Variants in OSBP observed in about 807,000 individuals in gnomAD.
OSBP encodes the protein oxysterol binding protein, also known as oxysterol-binding protein 1.
In OSBP, 32 loss-of-function variants were observed where a neutral mutation model predicts 96.6. That is an observed-to-expected ratio of 0.33 (90% CI 0.25 to 0.45). The LOEUF is 0.45. Ranked by LOEUF, OSBP falls within the 20% of genes least tolerant of loss-of-function variation. The pLI is 1.00. For synonymous variants in OSBP, 369 were observed against 389.6 expected, an observed-to-expected ratio of 0.95 and a Z score of 0.62; for missense variants, 653 against 1,029.7, an observed-to-expected ratio of 0.63 and a Z score of 5.01.
intron 1 of OSBP, 55 bp from the exon 2 acceptor site, chr11:59,610,644 T>C: frequency 2.2e-6 from 3 of 1,378,382 alleles, no homozygotes; most frequent in Middle Eastern, 1.8e-4. Context: ...TTATCCTTTA[T>C]CACATTCCAT....
At chr11:59,596,492 T>C (rs951359606) in intron 7 of OSBP, among the ~76,000 whole-genome samples, 1 of 152,118 alleles carries the variant, frequency 6.6e-6, no homozygotes, top group Non-Finnish European at 1.5e-5. Context: ...ATGGTCATTT[T>C]ATTACTCAAA....
Position 59,575,978 on chromosome 11 carries a change from C to T in OSBP, c.*599G>A, listed in dbSNP as rs1860356880. ...AGAATGTAACTCTGAATATTCCAGC[C>T]CTATAGAACAATCTCTCTCACAGGT... On this transcript the variant is annotated 3_prime_UTR_variant, in exon 14 of 14. Coordinates refer to ENST00000263847, the MANE Select transcript of OSBP (RefSeq NM_002556.3). 1 of 152,178 alleles carries T rather than the reference C, an allele frequency of 6.6e-6. No individual in the cohort carries two copies. The highest frequency in any genetic ancestry group is 2.4e-5 in the African/African-American group (1 of 41,416). 9.4% of individuals were successfully genotyped at this position (152,178 alleles called of 1,614,324 possible).
At chr11:59,607,039 T>C (rs891174005) in intron 3 of OSBP, among the ~76,000 whole-genome samples, 5 of 152,006 alleles carry the variant, frequency 3.3e-5, no homozygotes, top group East Asian at 3.9e-4. Flanking sequence ...AAGAGAAAAA[T>C]TGAAACTAAA....
intron 9 of OSBP, among the ~76,000 whole-genome samples, chr11:59,591,841 A>C (rs901608540): frequency 4.6e-5 from 7 of 151,764 alleles, no homozygotes; most frequent in Non-Finnish European, 7.4e-5. Flanking sequence ...GGCTGGTCTC[A>C]AACTCCTGAC....
chr11:59,589,800 T>C (rs1039797493), intron 9 of OSBP, among the ~76,000 whole-genome samples: 2 of 151,518 alleles, frequency 1.3e-5, no homozygotes, highest in African/African-American at 4.8e-5. Context: ...CTGGTCGACA[T>C]GGTGAAACCC....
Position 59,581,528 on chromosome 11 carries a change from T to G in OSBP, c.1705A>C (p.Thr569Pro). Residue 569 changes from threonine (T) to proline (P), a missense_variant, in exon 10 of 14, where the codon ACT (threonine) becomes CCT (proline). Physicochemically the swap from Thr to Pro is conservative, Grantham distance 38 (BLOSUM62 -1). Transcript: ENST00000263847. ...LGTIHCIFHATGHHYTWKKVT... is the reference protein window; with the variant it reads ...LGTIHCIFHAPGHHYTWKKVT... ...TTCTTCCAAGTGTAGTGGTGCCCAG[T>G]TGCATGGAAAATACAATGAATGGTA... 6.2e-7 allele frequency: 1 copy of G among 1,611,914 alleles called. No individual in the cohort carries two copies. The highest frequency in any genetic ancestry group is 8.5e-7 in the Non-Finnish European group (1 of 1,178,134).
rs1449957712 is a variant in OSBP, at chr11:59,608,679, A to G, written c.627T>C (p.Asn209=). 1 of 1,613,994 alleles carries G rather than the reference A, an allele frequency of 6.2e-7. No individual in the cohort carries two copies. The highest frequency in any genetic ancestry group is 1.1e-5 in the South Asian group (1 of 91,080). ...VSQTDKTELQ[N]TLRTLSSKVE... is the part of the protein sequence containing the mutation. Reference sequence around the variant, plus strand: ...CTTTGCTAGAGAGGGTCCGAAGGGTATTCTGCAGCTCAGTCTTGTCAGTTT... The same window carrying G: ...CTTTGCTAGAGAGGGTCCGAAGGGTGTTCTGCAGCTCAGTCTTGTCAGTTT... The change falls in exon 3 of 14, where the codon AAT becomes AAC. Residue 209 remains asparagine (N), a synonymous_variant. Coordinates refer to ENST00000263847, the MANE Select transcript of OSBP (RefSeq NM_002556.3).
intron 9 of OSBP, among the ~76,000 whole-genome samples, chr11:59,591,627 C>CT (rs530339994): frequency 0.04 from 5,607 of 138,900 alleles, 125 homozygotes; most frequent in Non-Finnish European, 0.049. Context: ...TTTTCTTTTC[C>CT]TTTTTTTTTT....
chr11:59,613,992 G>C (rs1364890895), intron 1 of OSBP, among the ~76,000 whole-genome samples: 1 of 152,160 alleles, frequency 6.6e-6, no homozygotes, highest in Non-Finnish European at 1.5e-5. Flanking sequence ...AGAGTGAGCT[G>C]CTCTTCAACA....
At chr11:59,593,876 C>T (rs141085402) in intron 8 of OSBP, 134 bp downstream of exon 8, 20 of 1,416,816 alleles carry the variant, frequency 1.4e-5, no homozygotes, top group African/African-American at 8.6e-5. Flanking sequence ...CCAACGCTGA[C>T]GTTCTGAAGA....
chr11:59,614,200 G>A (rs1294728201), intron 1 of OSBP, among the ~76,000 whole-genome samples: 3 of 152,290 alleles, frequency 2.0e-5, no homozygotes, highest in African/African-American at 4.8e-5. Context: ...ACTAACCTGA[G>A]TTTTAGGTTA....
intron 8 of OSBP, 102 bp from the exon 9 acceptor site, chr11:59,593,826 C>T (rs1013225727): frequency 4.0e-6 from 6 of 1,509,428 alleles, no homozygotes; most frequent in Non-Finnish European, 5.4e-6. Flanking sequence ...GACGTTTTTA[C>T]ACCCACAACA....
At chr11:59,601,901 C>A in intron 3 of OSBP, 63 bp from the exon 4 acceptor site, 1 of 1,463,416 alleles carries the variant, frequency 6.8e-7, no homozygotes, top group Admixed American at 1.8e-5. Flanking sequence ...CAGGCTTCTG[C>A]AAGCCCATTG....
rs1364096311 is a variant in OSBP at position 59,615,693 on chromosome 11, C to A, written c.-29G>T. 2 of 1,287,002 alleles carry A rather than the reference C, an allele frequency of 1.6e-6. No individual in the cohort carries two copies. Among genetic ancestry groups the A allele is most frequent in the Non-Finnish European group, 2.0e-6 (2 of 1,019,166 alleles). 79.7% of individuals were successfully genotyped at this position (1,287,002 alleles called of 1,614,324 possible). On this transcript the variant is annotated 5_prime_UTR_variant, in exon 1 of 14. Transcript: ENST00000263847. ...CCGCCGCCGCCTGGAGATACAAGAC[C>A]GGAACCGCCTACGAGAGCCGCCGTC...
chr11:59,610,520 C>A lies in OSBP; in HGVS notation c.432G>T (p.Glu144Asp). ...TGGAAATGATGAAGTTGCAGGAGTC[C>A]TCCACGGTGATGTTGGCTGTGGCGA... Reference protein sequence around the residue: ...INLATANITVEDSCNFIISNG... With the variant: ...INLATANITVDDSCNFIISNG... The change falls in exon 2 of 14, where the codon GAG becomes GAT. Residue 144 changes from glutamate (E) to aspartate (D), a missense_variant. Physicochemically the swap from Glu to Asp is conservative, Grantham distance 45 (BLOSUM62 2). This residue lies in a region of OSBP where 308 missense variants were observed against 573.1 expected (regional missense o/e 0.54). Coordinates refer to ENST00000263847, the MANE Select transcript of OSBP (RefSeq NM_002556.3). 1 of 1,614,166 alleles carries A rather than the reference C, an allele frequency of 6.2e-7. No individual in the cohort carries two copies. Among genetic ancestry groups the A allele is most frequent in the Non-Finnish European group, 8.5e-7 (1 of 1,180,018 alleles).
chr11:59,592,616 G>A (rs1189517523), intron 9 of OSBP, among the ~76,000 whole-genome samples: 1 of 152,056 alleles, frequency 6.6e-6, no homozygotes, highest in Non-Finnish European at 1.5e-5. Flanking sequence ...GCACACACTT[G>A]GCCAAACATG....
chr11:59,601,514 A>C (rs1860724052), intron 4 of OSBP, 126 bp downstream of exon 4: 2 of 1,166,306 alleles, frequency 1.7e-6, no homozygotes, highest in South Asian at 2.6e-5. Context: ...ATCCAGAATA[A>C]ATCAATGGGT....
chr11:59,593,367 C>T (rs78662589), intron 9 of OSBP: 14,548 of 458,882 alleles, frequency 0.032, 659 homozygotes, highest in Admixed American at 0.14. Flanking sequence ...CTTAGAGATG[C>T]GTTAAATATA....
chr11:59,607,322 C>T (rs1449796551), intron 3 of OSBP, among the ~76,000 whole-genome samples: 2 of 152,210 alleles, frequency 1.3e-5, no homozygotes, highest in Admixed American at 6.5e-5. Flanking sequence ...CACAAGCACC[C>T]TGACTGGCTG....
Sources: allele counts gnomAD v4.1 joint callset (sites outside exome capture counted in the v4.1 genomes callset), GRCh38; gene constraint gnomAD v4.1.1; regional missense constraint gnomAD v4.1.1; transcripts MANE v1.5; gene names NCBI Gene and HGNC (gene_info 2026-07-23, HGNC 2026-07-21).